Variants in PRKD3 observed in about 807,000 individuals in gnomAD.
PRKD3 encodes protein kinase D3.
A neutral mutation model predicts 99.2 loss-of-function variants in PRKD3; 47 were observed. That is an observed-to-expected ratio of 0.47 (90% CI 0.38 to 0.60). PRKD3 has a LOEUF of 0.60. Ranked by LOEUF, PRKD3 falls within the 20% of genes least tolerant of loss-of-function variation. The pLI, the probability that PRKD3 is intolerant of heterozygous loss-of-function variation, is 0.00. For synonymous variants in PRKD3, 392 were observed against 355.4 expected, an observed-to-expected ratio of 1.10 and a Z score of -1.16; for missense variants, 1,019 against 1,088.4, an observed-to-expected ratio of 0.94 and a Z score of 0.90.
At chr2:37,304,781 C>G (rs949826661) in intron 2 of PRKD3, among the ~76,000 whole-genome samples, 3 of 150,836 alleles carry the variant, frequency 2.0e-5, no homozygotes, top group Admixed American at 6.6e-5. Context: ...AAAAGAAATA[C>G]CAGAGGAGCT....
rs1381855037 is a variant in PRKD3, at chr2:37,316,730, T to G, written c.-206A>C. 7.2e-7 allele frequency: 1 copy of G among 1,398,346 alleles called. No individual in the cohort carries two copies. The highest frequency in any genetic ancestry group is 3.2e-5 in the Admixed American group (1 of 31,242). The allele number at this position is 1,398,346 out of a possible 1,614,324, so 86.6% of individuals were successfully genotyped here. A position where few individuals can be genotyped will look rare whatever the true frequency, so the allele number is the denominator to read the frequency against. On this transcript the variant is annotated 5_prime_UTR_variant, in exon 2 of 19. Transcript: ENST00000234179. The stretch of plus-strand genomic sequence containing the variant: ...CCCAAAGGTCCTATTTCTCTTAATA[T>G]CAGTCCCATCAAAAAGCAGTCTTGT...
chr2:37,267,094 A>G (rs1049842988), intron 14 of PRKD3, among the ~76,000 whole-genome samples: 1 of 152,214 alleles, frequency 6.6e-6, no homozygotes, highest in Non-Finnish European at 1.5e-5. Context: ...TTTTAAAGCA[A>G]TCTTTACTTG....
chr2:37,280,622 G>A (rs1018178413), intron 7 of PRKD3, among the ~76,000 whole-genome samples: 6 of 152,042 alleles, frequency 3.9e-5, no homozygotes, highest in African/African-American at 1.4e-4. Context: ...AACTCAAAGT[G>A]GATCACATAA....
chr2:37,269,694 G>A lies in PRKD3; in HGVS notation c.1705-7C>T. ...GGTAAACAGTACTGATATCCTGGTA[G>A]GATAAAGTAAGGAGTTAGTATTATT... On this transcript the variant is annotated splice_polypyrimidine_tract_variant and splice_region_variant and intron_variant, in intron 12 of 18. Transcript: ENST00000234179. 6.3e-7 allele frequency: 1 copy of A among 1,594,744 alleles called. No homozygotes were observed.
At chr2:37,265,902 C>T (rs539911663) in intron 14 of PRKD3, among the ~76,000 whole-genome samples, 2 of 152,090 alleles carry the variant, frequency 1.3e-5, no homozygotes, top group Non-Finnish European at 2.9e-5. Context: ...AAAAAAGCTT[C>T]AGTGCTTACT....
intron 2 of PRKD3, among the ~76,000 whole-genome samples, chr2:37,300,737 G>A (rs1173159988): frequency 6.6e-6 from 1 of 152,162 alleles, no homozygotes; most frequent in Non-Finnish European, 1.5e-5. Flanking sequence ...CCAATCTCTT[G>A]TGAGTATGAG....
At chr2:37,254,077 G>A in intron 18 of PRKD3, 127 bp downstream of exon 18, 1 of 686,356 alleles carries the variant, frequency 1.5e-6, no homozygotes, top group Non-Finnish European at 2.6e-6. Flanking sequence ...TTCAGCCATA[G>A]TACAAATTAA....
At chr2:37,319,984 G>T (rs1163597775) in intron 1 of PRKD3, among the ~76,000 whole-genome samples, 2 of 152,182 alleles carry the variant, frequency 1.3e-5, no homozygotes, top group Non-Finnish European at 2.9e-5. Flanking sequence ...CAAACTATCT[G>T]TAACAACACC....
intron 3 of PRKD3, among the ~76,000 whole-genome samples, chr2:37,291,897 AC>A (rs1240353048): frequency 6.6e-6 from 1 of 152,168 alleles, no homozygotes; most frequent in East Asian, 1.9e-4. Context: ...CTGCAGACCT[AC>A]TATGTGCATT....
chr2:37,279,566 A>T (rs1368434973), intron 8 of PRKD3, among the ~76,000 whole-genome samples, 180 bp downstream of exon 8: 1 of 152,054 alleles, frequency 6.6e-6, no homozygotes, highest in Non-Finnish European at 1.5e-5. Flanking sequence ...TCTTGAGTGG[A>T]TGGCAAGGGT....
chr2:37,307,109 AG>A (rs1432363866), intron 2 of PRKD3, among the ~76,000 whole-genome samples: 1 of 152,182 alleles, frequency 6.6e-6, no homozygotes, highest in Non-Finnish European at 1.5e-5. Flanking sequence ...AGATGCTGGA[AG>A]CCCCCCTGCT....
intron 2 of PRKD3, among the ~76,000 whole-genome samples, chr2:37,313,458 G>C (rs576821840): frequency 1.4e-4 from 22 of 152,182 alleles, no homozygotes; most frequent in African/African-American, 5.1e-4. Context: ...ATAGAAAACA[G>C]CCAATCTATT....
intron 14 of PRKD3, among the ~76,000 whole-genome samples, chr2:37,264,747 A>C (rs551470647): frequency 6.7e-6 from 1 of 148,904 alleles, no homozygotes; most frequent in East Asian, 1.9e-4. Context: ...TTTGGGGGGG[A>C]AAAAAAAAGA....
chr2:37,287,536 A>T (rs1670179721), intron 5 of PRKD3, among the ~76,000 whole-genome samples: 1 of 152,162 alleles, frequency 6.6e-6, no homozygotes, highest in African/African-American at 2.4e-5. Flanking sequence ...CAGCTGAAAG[A>T]TCTCAGGACA....
chr2:37,318,955 T>G (rs995123274), intron 1 of PRKD3, among the ~76,000 whole-genome samples: 12 of 152,134 alleles, frequency 7.9e-5, no homozygotes, highest in African/African-American at 2.7e-4. Context: ...GAGAAGAATA[T>G]AATGATCACT....
chr2:37,295,635 G>C (rs1447359534), intron 2 of PRKD3, among the ~76,000 whole-genome samples: 1 of 152,160 alleles, frequency 6.6e-6, no homozygotes, highest in Non-Finnish European at 1.5e-5. Flanking sequence ...TCAGTTTCTT[G>C]TTTATAAAAT....
intron 15 of PRKD3, 62 bp downstream of exon 15, chr2:37,260,161 T>C (rs1668306601): frequency 1.4e-6 from 2 of 1,438,374 alleles, no homozygotes; most frequent in East Asian, 2.3e-5. Flanking sequence ...AAGACTCTTG[T>C]CTTAAAAAAA....
intron 1 of PRKD3, among the ~76,000 whole-genome samples, chr2:37,318,583 C>T (rs762283720): frequency 4.6e-5 from 7 of 152,174 alleles, no homozygotes; most frequent in African/African-American, 7.2e-5. Context: ...GTTGAGAAAT[C>T]GCACAGAAAG....
intron 4 of PRKD3, 83 bp downstream of exon 4, chr2:37,290,785 G>C (rs952882810): frequency 8.5e-6 from 12 of 1,415,308 alleles, no homozygotes; most frequent in African/African-American, 4.3e-5. Context: ...TCAACAGCTC[G>C]TCATCTTGCT....
Sources: gnomAD v4.1 joint callset for allele counts (sites outside exome capture counted in the v4.1 genomes callset) on GRCh38, gnomAD v4.1.1 for gene constraint, MANE v1.5 for transcripts, NCBI Gene and HGNC (gene_info 2026-07-23, HGNC 2026-07-21) for gene names.